FOXP2: variants seen among roughly 807,000 people sequenced by gnomAD.
FOXP2 encodes forkhead box P2.
Under a neutral mutation model 115.8 loss-of-function variants are expected in FOXP2, and 12 were observed. The ratio of observed to expected loss-of-function variants is 0.10; its 90% CI spans 0.07 to 0.17. The LOEUF (loss-of-function observed/expected upper bound fraction) is 0.17, where lower values mean the gene tolerates loss of function less well. Ranked by LOEUF, FOXP2 falls within the 10% of genes least tolerant of loss-of-function variation. The pLI is 1.00. For missense variants in FOXP2, 629 were observed against 843.5 expected (o/e 0.75, Z 3.15); for synonymous variants, 328 against 297.7 (o/e 1.10, Z -1.05).
intron 1 of FOXP2, among the ~76,000 whole-genome samples, chr7:114,099,057 C>T (rs549058696): frequency 2.0e-5 from 3 of 152,166 alleles, no homozygotes; most frequent in East Asian, 1.9e-4. Context: ...ATCGCTTAAG[C>T]CCAGGAGGTT....
chr7:114,216,298 A>G (rs959365192), intron 1 of FOXP2, among the ~76,000 whole-genome samples: 2 of 152,132 alleles, frequency 1.3e-5, no homozygotes, highest in East Asian at 3.9e-4. Context: ...AATCAATTAT[A>G]CTATGAATTT....
chr7:114,530,504 C>A (rs1162962427), intron 2 of FOXP2, among the ~76,000 whole-genome samples: 1 of 151,588 alleles, frequency 6.6e-6, no homozygotes, highest in Non-Finnish European at 1.5e-5. Context: ...TCTGTTTTTT[C>A]CCCTAATATA....
chr7:114,334,798 A>C (rs916271283), intron 2 of FOXP2, among the ~76,000 whole-genome samples: 3 of 151,004 alleles, frequency 2.0e-5, no homozygotes, highest in African/African-American at 7.3e-5. Flanking sequence ...TGATACCTTT[A>C]ATTTTTAAAG....
upstream of FOXP2, chr7:114,414,516 A>G (rs1320901240): frequency 6.5e-6 from 1 of 153,160 alleles, no homozygotes; most frequent in Non-Finnish European, 1.5e-5. Flanking sequence ...CTGGCAGAGA[A>G]GCTGGAGAAC....
intron 1 of FOXP2, among the ~76,000 whole-genome samples, chr7:114,241,507 T>C (rs1795151358): frequency 6.6e-6 from 1 of 152,048 alleles, no homozygotes. Flanking sequence ...GACAGAATAA[T>C]AGAAAGCTCT....
chr7:114,191,104 A>G (rs949927312), intron 1 of FOXP2, among the ~76,000 whole-genome samples: 2 of 152,182 alleles, frequency 1.3e-5, no homozygotes, highest in African/African-American at 4.8e-5. Flanking sequence ...ACGTATTAGC[A>G]TTCTAACTTC....
At chr7:114,281,989 A>C (rs1306292209) in intron 1 of FOXP2, among the ~76,000 whole-genome samples, 1 of 152,176 alleles carries the variant, frequency 6.6e-6, no homozygotes, top group Admixed American at 6.6e-5. Flanking sequence ...CACTCTGTAC[A>C]GATAATGCTT....
intron 2 of FOXP2, among the ~76,000 whole-genome samples, chr7:114,505,799 T>C (rs1797788009): frequency 6.6e-6 from 1 of 151,646 alleles, no homozygotes; most frequent in African/African-American, 2.4e-5. Flanking sequence ...AAAAATGCTG[T>C]TATGTAAAAG....
chr7:114,677,180 A>AAAAAAAAC (rs1554443474), intron 16 of FOXP2, among the ~76,000 whole-genome samples: 260 of 148,016 alleles, frequency 1.8e-3, no homozygotes, highest in African/African-American at 5.3e-3. Context: ...AACAAAAAAA[A>AAAAAAAAC]AAAAAACAAA....
At chr7:114,233,103 T>C (rs1056108658) in intron 1 of FOXP2, among the ~76,000 whole-genome samples, 5 of 152,168 alleles carry the variant, frequency 3.3e-5, no homozygotes, top group Admixed American at 2.6e-4. Context: ...AAATTGTGTT[T>C]GTTGTTAACA....
chr7:114,646,890 G>A (rs566526324), intron 8 of FOXP2, among the ~76,000 whole-genome samples: 2 of 152,016 alleles, frequency 1.3e-5, no homozygotes, highest in South Asian at 4.2e-4. Flanking sequence ...TAATCACTTC[G>A]ACAGATTTTC....
intron 2 of FOXP2, among the ~76,000 whole-genome samples, chr7:114,488,110 T>G (rs1236778196): frequency 6.6e-6 from 1 of 152,094 alleles, no homozygotes; most frequent in African/African-American, 2.4e-5. Context: ...GACTCACAAT[T>G]ACGGTGGAAG....
chr7:114,331,860 TG>T (rs1435830166), intron 2 of FOXP2, among the ~76,000 whole-genome samples: 1 of 152,022 alleles, frequency 6.6e-6, no homozygotes, highest in African/African-American at 2.4e-5. Context: ...TTTGCCAGGA[TG>T]GTTTCAAACT....
chr7:114,520,675 G>A (rs1798579060), intron 2 of FOXP2, among the ~76,000 whole-genome samples: 1 of 152,044 alleles, frequency 6.6e-6, no homozygotes, highest in African/African-American at 2.4e-5. Context: ...TAGATAGACA[G>A]ATATTAGATA....
chr7:114,346,728 A>G (rs1247381613), intron 2 of FOXP2, among the ~76,000 whole-genome samples: 1 of 151,830 alleles, frequency 6.6e-6, no homozygotes, highest in Non-Finnish European at 1.5e-5. Context: ...TAAAAAGAGA[A>G]AAAAAACCTG....
At chr7:114,464,141 C>A (rs572061423) in intron 2 of FOXP2, among the ~76,000 whole-genome samples, 12 of 152,176 alleles carry the variant, frequency 7.9e-5, no homozygotes, top group Non-Finnish European at 1.2e-4. Context: ...TGTGAAACTG[C>A]AGTCTGGAAA....
At chr7:114,544,226 G>A (rs868433003) in intron 3 of FOXP2, among the ~76,000 whole-genome samples, 2 of 152,072 alleles carry the variant, frequency 1.3e-5, no homozygotes, top group South Asian at 4.2e-4. Flanking sequence ...CAAATATTGA[G>A]TAAATCAGTA....
chr7:114,174,176 ATG>A (rs1188267691), intron 1 of FOXP2, among the ~76,000 whole-genome samples: 1 of 151,864 alleles, frequency 6.6e-6, no homozygotes, highest in African/African-American at 2.4e-5. Context: ...ATGTGTATAT[ATG>A]TGTTTGTACT....
At position 114,574,333 on chromosome 7, in the gene FOXP2, A is replaced by G. The variant is rs537230997; in HGVS notation, c.258+39627A>G. Among the ~76,000 whole-genome samples the G allele has an allele frequency of 5.3e-4, 80 of 151,994 alleles. 2 individuals carry two copies. Among genetic ancestry groups the G allele is most frequent in the African/African-American group, 1.5e-3 (62 of 41,534 alleles). ...TTCTGGCTTTAAAAAACGAGGGTAT[A>G]AGAGGAAGAGAGCTTCATTGTTAGA... On this transcript the variant is annotated intron_variant, in intron 3 of 16. Coordinates refer to ENST00000350908, the MANE Select transcript of FOXP2 (RefSeq NM_014491.4).
Sources: gnomAD v4.1 joint callset for allele counts (sites outside exome capture counted in the v4.1 genomes callset) on GRCh38, gnomAD v4.1.1 for gene constraint, MANE v1.5 for transcripts, NCBI Gene and HGNC (gene_info 2026-07-23, HGNC 2026-07-21) for gene names.